Variants in DDX23 observed in about 807,000 individuals in gnomAD.
DDX23 encodes the protein probable ATP-dependent RNA helicase DDX23.
Under a neutral mutation model 102.7 loss-of-function variants are expected in DDX23, and 33 were observed. That is an observed-to-expected ratio of 0.32 (90% CI 0.24 to 0.43). The LOEUF is 0.43. DDX23 is among the 20% of genes least tolerant of loss of function. The pLI, the probability that DDX23 is intolerant of heterozygous loss-of-function variation, is 1.00. For synonymous variants in DDX23, 352 were observed against 376.0 expected, an observed-to-expected ratio of 0.94 and a Z score of 0.74; for missense variants, 549 against 1,086.6, an observed-to-expected ratio of 0.51 and a Z score of 6.96.
intron 3 of DDX23, among the ~76,000 whole-genome samples, chr12:48,841,722 C>T (rs1438437614): frequency 2.0e-5 from 3 of 152,262 alleles, no homozygotes; most frequent in Non-Finnish European, 4.4e-5. Flanking sequence ...CTCGGCCTCC[C>T]GAGGTGCCGG....
In DDX23 at chr12:48,832,941, T is replaced by G; in HGVS notation, c.1803+336A>C. Reference sequence around the variant, plus strand: ...TAGAAACATGTACTCTGAGCCCACCTAAGGCAAGAAAGGCCCAAAAGGAGG... The same window carrying G: ...TAGAAACATGTACTCTGAGCCCACCGAAGGCAAGAAAGGCCCAAAAGGAGG... On this transcript the variant is annotated intron_variant, in intron 13 of 16. Transcript: ENST00000308025. This position sits in a 1 kb window ranked among gnomAD's most constrained non-coding sequence, Gnocchi z 4.4. 2.2e-6 allele frequency: 1 copy of G among 449,946 alleles called. No homozygotes were observed. Among genetic ancestry groups the G allele is most frequent in the Middle Eastern group, 6.5e-4 (1 of 1,542 alleles). 27.9% of individuals were successfully genotyped at this position (449,946 alleles called of 1,614,324 possible).
rs1938617927 is a variant in DDX23, at chr12:48,843,933, C to T, written c.320+7G>A. On this transcript the variant is annotated splice_region_variant and intron_variant, in intron 3 of 16. Transcript: ENST00000308025. ...CCCCTAAAGCCCCCTCTCATTCCTTCATGTACCTGGATCGTTTACGGTCCT... is the reference window on the plus strand; with the variant it reads ...CCCCTAAAGCCCCCTCTCATTCCTTTATGTACCTGGATCGTTTACGGTCCT... The T allele has an allele frequency of 1.9e-6, 3 of 1,613,764 alleles. No homozygotes were observed. The African/African-American group carries it at 4.0e-5, about 22-fold the overall frequency.
chr12:48,846,688 C>T (rs1197954324), intron 1 of DDX23, among the ~76,000 whole-genome samples: 2 of 152,154 alleles, frequency 1.3e-5, no homozygotes, highest in Non-Finnish European at 2.9e-5. Context: ...TCCTGTGAAA[C>T]TATAATTATT....
chr12:48,833,769 CTT>C (rs972275771), intron 12 of DDX23, among the ~76,000 whole-genome samples: 1 of 145,950 alleles, frequency 6.9e-6, no homozygotes, highest in South Asian at 2.2e-4. Flanking sequence ...TCAGTAGAAA[CTT>C]TTTTTTTTTT....
rs1488233832 is a variant in DDX23, at chr12:48,836,094, A to T, written c.1382+27T>A. The T allele has an allele frequency of 1.9e-6, 3 of 1,607,988 alleles. No homozygotes were observed. In the East Asian group the frequency reaches 6.7e-5, roughly 36 times the overall value. ...TCACCTTTCCTACCCAGACAAACCC[A>T]CTCCAGCTGGTGCTAGCTGACCTCA... On this transcript the variant is annotated intron_variant, in intron 11 of 16. Coordinates refer to ENST00000308025, the MANE Select transcript of DDX23 (RefSeq NM_004818.3). The surrounding 1 kb of genome is among the most constrained non-coding windows in gnomAD (Gnocchi z 6.1).
intron 1 of DDX23, among the ~76,000 whole-genome samples, chr12:48,847,542 T>C (rs763913789): frequency 1.5e-4 from 22 of 151,206 alleles, no homozygotes; most frequent in Non-Finnish European, 2.7e-4. Context: ...GAAATACCTA[T>C]GTCTTGACTG....
chr12:48,850,995 C>A (rs186800984), intron 1 of DDX23, among the ~76,000 whole-genome samples: 4 of 152,326 alleles, frequency 2.6e-5, no homozygotes, highest in Admixed American at 1.3e-4. Context: ...TCTGGCCATG[C>A]TTCCCAGCAG....
chr12:48,835,962 C>A (rs1938463553), intron 11 of DDX23, among the ~76,000 whole-genome samples, 159 bp downstream of exon 11: 1 of 152,214 alleles, frequency 6.6e-6, no homozygotes, highest in South Asian at 2.1e-4. Flanking sequence ...GCAACATATA[C>A]TTCTTCGATA....
At chr12:48,848,557 A>C (rs1938707108) in intron 1 of DDX23, among the ~76,000 whole-genome samples, 1 of 149,146 alleles carries the variant, frequency 6.7e-6, no homozygotes, top group Non-Finnish European at 1.5e-5. Flanking sequence ...AGAAATGTGA[A>C]CTAGCTTAGC....
At position 48,839,660 on chromosome 12, in the gene DDX23, G is replaced by A. The variant is rs1938517835; in HGVS notation, c.480+184C>T. On this transcript the variant is annotated intron_variant, in intron 5 of 16. Coordinates refer to ENST00000308025, the MANE Select transcript of DDX23 (RefSeq NM_004818.3). ...AGGGAGGACCATGTGAAGAGCTGAG[G>A]AAGAAGACAGCCTTATAAGCCAAGG... The A allele has an allele frequency of 8.3e-6, 5 of 600,000 alleles. 1 individual carries two copies. In the South Asian group the frequency reaches 1.0e-4, roughly 12 times the overall value. 37.2% of individuals were successfully genotyped at this position (600,000 alleles called of 1,614,324 possible).
intron 1 of DDX23, among the ~76,000 whole-genome samples, chr12:48,847,866 T>C (rs1038371456): frequency 6.6e-6 from 1 of 152,002 alleles, no homozygotes; most frequent in Admixed American, 6.6e-5. Context: ...AAGAAAACAA[T>C]CCCAAAGGAA....
chr12:48,837,718 G>A (rs1223434441), intron 6 of DDX23, 61 bp from the exon 7 acceptor site: 2 of 1,602,404 alleles, frequency 1.2e-6, no homozygotes, highest in African/African-American at 2.7e-5. Context: ...GAGAGGGAAT[G>A]GAGGGAATCC....
At chr12:48,850,032 A>G (rs1319125752) in intron 1 of DDX23, among the ~76,000 whole-genome samples, 1 of 152,204 alleles carries the variant, frequency 6.6e-6, no homozygotes, top group African/African-American at 2.4e-5. Flanking sequence ...TTGGATTTTA[A>G]CTGCAATGGG....
intron 3 of DDX23, among the ~76,000 whole-genome samples, chr12:48,840,365 C>T (rs750826424): frequency 6.6e-6 from 1 of 152,020 alleles, no homozygotes; most frequent in Non-Finnish European, 1.5e-5. Flanking sequence ...GACTTTACTA[C>T]TGATGTCAAA....
In DDX23 at chr12:48,830,072, T is replaced by A; in HGVS notation, c.*397A>T. ...TCTCCTGGGGCATCTAGGGCAATGA[T>A]GCTACTGCAGTTTATGCAGTTACAC... On this transcript the variant is annotated 3_prime_UTR_variant, in exon 17 of 17. Coordinates refer to ENST00000308025, the MANE Select transcript of DDX23 (RefSeq NM_004818.3). The surrounding 1 kb of genome is among the most constrained non-coding windows in gnomAD (Gnocchi z 4.9). 1 of 381,126 alleles carries A rather than the reference T, an allele frequency of 2.6e-6. No homozygotes were observed. Among genetic ancestry groups the A allele is most frequent in the Non-Finnish European group, 5.2e-6 (1 of 193,992 alleles). 23.6% of individuals were successfully genotyped at this position (381,126 alleles called of 1,614,324 possible).
intron 1 of DDX23, among the ~76,000 whole-genome samples, chr12:48,850,967 C>T (rs76388952): frequency 0.035 from 5,395 of 152,208 alleles, 315 homozygotes; most frequent in African/African-American, 0.12. Flanking sequence ...ATCACAAGGG[C>T]CAAATAACCA....
chr12:48,835,189 C>G, intron 11 of DDX23: 1 of 269,902 alleles, frequency 3.7e-6, no homozygotes, highest in South Asian at 3.3e-5. Context: ...TTGCTGTAAG[C>G]CAAGATCACA....
chr12:48,841,993 C>T (rs1156250980), intron 3 of DDX23, among the ~76,000 whole-genome samples: 3 of 150,032 alleles, frequency 2.0e-5, no homozygotes, highest in African/African-American at 7.3e-5. Context: ...TCTGCCCGGC[C>T]GCCCCGTCTG....
chr12:48,834,667 C>T lies in DDX23; in HGVS notation c.1383-170G>A. On this transcript the variant is annotated intron_variant, in intron 11 of 16. Transcript: ENST00000308025. ...CAGAGGCCAGGGCTGGGCATGGTGG[C>T]TCATGTCTGTAATCCCAGAACTTTG... The T allele has an allele frequency of 1.3e-5, 8 of 608,440 alleles. No individual in the cohort carries two copies. The South Asian group carries it at 1.8e-4, about 14-fold the overall frequency. The allele number at this position is 608,440 out of a possible 1,614,324, so 37.7% of individuals were successfully genotyped here.
Sources: allele counts gnomAD v4.1 joint callset (sites outside exome capture counted in the v4.1 genomes callset), GRCh38; gene constraint gnomAD v4.1.1; non-coding constraint Gnocchi (gnomAD v3.1); transcripts MANE v1.5; gene names NCBI Gene and HGNC (gene_info 2026-07-23, HGNC 2026-07-21).